The following NEBL variants were observed in gnomAD, a reference collection of about 807,000 sequenced individuals.
NEBL encodes LIM and SH3 protein 2.
A neutral mutation model predicts 140.2 loss-of-function variants in NEBL; 122 were observed. The observed-to-expected ratio is 0.87, with a 90% CI of 0.75 to 1.01. The LOEUF (loss-of-function observed/expected upper bound fraction) is 1.01. Ranked by LOEUF, NEBL falls within the 50% of genes least tolerant of loss-of-function variation. NEBL has a pLI of 0.00. For synonymous variants in NEBL, 436 were observed against 398.9 expected, an observed-to-expected ratio of 1.09 and a Z score of -1.11; for missense variants, 1,365 against 1,231.3, an observed-to-expected ratio of 1.11 and a Z score of -1.62.
intron 3 of NEBL, among the ~76,000 whole-genome samples, chr10:21,221,058 G>A (rs1242561810): frequency 1.3e-5 from 2 of 152,118 alleles, no homozygotes; most frequent in Admixed American, 1.3e-4. Context: ...AGGAGCTGAG[G>A]TGGGAGGATT....
chr10:20,925,094 C>T (rs561131629), intron 4 of NEBL, among the ~76,000 whole-genome samples: 1 of 151,962 alleles, frequency 6.6e-6, no homozygotes, highest in South Asian at 2.1e-4. Flanking sequence ...TAAAATAATA[C>T]CTCAGACCCA....
rs751718470 is a variant in NEBL, at chr10:20,869,780, T to C, written c.542A>G (p.Asp181Gly). ...HTYSAELDRP[D>G]IKMATQISKI... ...AGAGATCTGGGTTGCCATCTTGATGTCTGGTCGGTCAAGTTCTGCACTGTA... is the reference window on the plus strand; with the variant it reads ...AGAGATCTGGGTTGCCATCTTGATGCCTGGTCGGTCAAGTTCTGCACTGTA... The change falls in exon 6 of 28, where the codon GAC becomes GGC. Residue 181 changes from aspartate to glycine, a missense_variant. Asp to Gly is a moderately conservative substitution (Grantham distance 94). Coordinates refer to ENST00000377122, the MANE Select transcript of NEBL (RefSeq NM_006393.3). 1 of 1,613,500 alleles carries C rather than the reference T, an allele frequency of 6.2e-7. No homozygotes were observed.
chr10:21,168,628 C>T (rs1283828639), intron 2 of NEBL, among the ~76,000 whole-genome samples: 1 of 152,054 alleles, frequency 6.6e-6, no homozygotes, highest in Admixed American at 6.5e-5. Flanking sequence ...TGTTAATTTT[C>T]TTAAGTGTAA....
At chr10:20,877,765 G>T (rs533829210) in intron 5 of NEBL, among the ~76,000 whole-genome samples, 2 of 152,104 alleles carry the variant, frequency 1.3e-5, no homozygotes, top group Admixed American at 6.6e-5. Flanking sequence ...AGAAAGTCAC[G>T]CCTGGTCCAA....
intron 2 of NEBL, among the ~76,000 whole-genome samples, chr10:20,890,636 A>G (rs1426953386): frequency 6.6e-6 from 1 of 152,228 alleles, no homozygotes; most frequent in Non-Finnish European, 1.5e-5. Flanking sequence ...TCAGCAAGAC[A>G]AAGCCCAGTG....
chr10:20,819,139 TG>T (rs1839023190), intron 20 of NEBL: 1 of 904,980 alleles, frequency 1.1e-6, no homozygotes, highest in Non-Finnish European at 1.5e-6. Flanking sequence ...TATGGGAGTT[TG>T]TTGTACAGAT....
intron 2 of NEBL, among the ~76,000 whole-genome samples, chr10:20,894,171 T>C (rs1455077706): frequency 6.6e-6 from 1 of 152,098 alleles, no homozygotes; most frequent in Non-Finnish European, 1.5e-5. Flanking sequence ...ATCCCTCTCA[T>C]CTACAGAAAC....
intron 2 of NEBL, among the ~76,000 whole-genome samples, chr10:20,891,272 A>G (rs1056517565): frequency 6.6e-6 from 1 of 152,220 alleles, no homozygotes; most frequent in African/African-American, 2.4e-5. Flanking sequence ...GAACATATTT[A>G]TCTTATCTGA....
chr10:21,168,775 G>T (rs931409396), intron 2 of NEBL, among the ~76,000 whole-genome samples: 10 of 151,726 alleles, frequency 6.6e-5, no homozygotes, highest in African/African-American at 2.2e-4. Context: ...GTGGCCGGGC[G>T]CGGTGGCTCA....
At chr10:20,800,221 A>G (rs1171557658) in intron 26 of NEBL, among the ~76,000 whole-genome samples, 1 of 151,764 alleles carries the variant, frequency 6.6e-6, no homozygotes, top group East Asian at 1.9e-4. Flanking sequence ...GGATCATGCA[A>G]TATTTTTCTT....
intron 3 of NEBL, among the ~76,000 whole-genome samples, chr10:21,001,886 T>G (rs1048103498): frequency 1.3e-5 from 2 of 152,206 alleles, no homozygotes; most frequent in African/African-American, 2.4e-5. Flanking sequence ...CCACACCATA[T>G]ATAAGCAAAA....
intron 2 of NEBL, among the ~76,000 whole-genome samples, chr10:21,021,186 T>G (rs897622084): frequency 6.6e-6 from 1 of 152,232 alleles, no homozygotes; most frequent in Non-Finnish European, 1.5e-5. Flanking sequence ...ATATCTCAAC[T>G]ATTTACTTAT....
intron 7 of NEBL, among the ~76,000 whole-genome samples, chr10:20,864,683 T>C (rs978284670): frequency 2.6e-5 from 4 of 152,170 alleles, no homozygotes; most frequent in African/African-American, 9.6e-5. Context: ...CCCTAAATCA[T>C]TTGCCTTCTA....
At chr10:21,281,631 T>G (rs1361983934) in intron 1 of NEBL, among the ~76,000 whole-genome samples, 3 of 152,104 alleles carry the variant, frequency 2.0e-5, no homozygotes, top group African/African-American at 7.2e-5. Flanking sequence ...CCCACACCAG[T>G]GTGGGACATT....
chr10:21,025,935 ATAT>A (rs1564484394), intron 2 of NEBL, among the ~76,000 whole-genome samples: 1 of 152,192 alleles, frequency 6.6e-6, no homozygotes, highest in Non-Finnish European at 1.5e-5. Context: ...ATTACTATTA[ATAT>A]TATGGCTACT....
chr10:21,117,837 G>C (rs1838354332), intron 2 of NEBL, among the ~76,000 whole-genome samples: 1 of 152,040 alleles, frequency 6.6e-6, no homozygotes, highest in African/African-American at 2.4e-5. Flanking sequence ...GACAAACTGG[G>C]TTCAAGTAGC....
intron 3 of NEBL, among the ~76,000 whole-genome samples, chr10:20,988,365 GATA>G (rs984617768): frequency 6.6e-6 from 1 of 152,010 alleles, no homozygotes; most frequent in African/African-American, 2.4e-5. Flanking sequence ...ATTTTCAATT[GATA>G]ATAATTTTTA....
intron 2 of NEBL, chr10:21,029,084 G>A: frequency 8.6e-7 from 1 of 1,161,442 alleles, no homozygotes. Context: ...GGGACTGGTG[G>A]AGGAAGCACC....
chr10:21,079,874 T>C (rs1039526610), intron 2 of NEBL, among the ~76,000 whole-genome samples: 2 of 152,188 alleles, frequency 1.3e-5, no homozygotes, highest in Non-Finnish European at 2.9e-5. Flanking sequence ...CTGTCCTACA[T>C]TGAACTCTCC....
Sources: allele counts gnomAD v4.1 joint callset (sites outside exome capture counted in the v4.1 genomes callset), GRCh38; gene constraint gnomAD v4.1.1; transcripts MANE v1.5; gene names NCBI Gene and HGNC (gene_info 2026-07-23, HGNC 2026-07-21).